OLR1: variants seen among roughly 807,000 people sequenced by gnomAD.
The protein encoded by OLR1 is oxidized low-density lipoprotein receptor 1.
In OLR1, 23 loss-of-function variants were observed where a neutral mutation model predicts 31.7. The ratio of observed to expected loss-of-function variants is 0.72; its 90% CI spans 0.52 to 1.03. The LOEUF (loss-of-function observed/expected upper bound fraction) is 1.03, where lower values mean the gene tolerates loss of function less well. OLR1 is among the 50% of genes least tolerant of loss of function. OLR1 has a pLI of 0.00. For missense variants in OLR1, 286 were observed against 315.7 expected (o/e 0.91, Z 0.71); for synonymous variants, 117 against 115.8 (o/e 1.01, Z -0.07).
intron 3 of OLR1, 130 bp from the exon 4 acceptor site, chr12:10,161,055 T>G (rs2137503151): frequency 1.0e-6 from 1 of 989,750 alleles, no homozygotes. Flanking sequence ...TTTGTTTTTG[T>G]ATTTTTAGTA....
intron 2 of OLR1, chr12:10,167,603 A>T (rs11053653): frequency 0.56 from 84,363 of 151,970 alleles, 24,420 homozygotes; most frequent in Non-Finnish European, 0.64. Context: ...TTAGTAGGAA[A>T]TGTCATTAGC....
chr12:10,160,809 T>G lies in OLR1; in HGVS notation c.541A>C (p.Lys181Gln), dbSNP rs766875651. ...KCLSLDAKLL[K>Q]INSTADLDFI... is the part of the protein sequence containing the mutation. The stretch of plus-strand genomic sequence containing the variant: ...ACCAGATCAGCTGTGCTATTAATTT[T>G]CAGCAACTTGGCATCCAAAGACAAG... Residue 181 changes from lysine (K) to glutamine (Q), a missense_variant, in exon 4 of 6, where the codon AAA (lysine) becomes CAA (glutamine). Transcript: ENST00000309539. 8 of 1,614,080 alleles carry G rather than the reference T, an allele frequency of 5.0e-6. No individual in the cohort carries two copies. The highest frequency in any genetic ancestry group is 6.8e-6 in the Non-Finnish European group (8 of 1,180,024).
chr12:10,171,346 G>A (rs1000114217), intron 1 of OLR1, among the ~76,000 whole-genome samples: 3 of 152,100 alleles, frequency 2.0e-5, no homozygotes, highest in Non-Finnish European at 4.4e-5. Context: ...ATTGTCTGTG[G>A]AATTGGGATT....
rs191104702 is a variant in OLR1, at chr12:10,171,888, T to C, written c.76+114A>G. Reference sequence around the variant, plus strand: ...TTTTCTTTTAAGTAAATGGTATTAATTCTATTTTCCCATACTTGGGTGTTT... The same window carrying C: ...TTTTCTTTTAAGTAAATGGTATTAACTCTATTTTCCCATACTTGGGTGTTT... On this transcript the variant is annotated intron_variant, in intron 1 of 5. Transcript: ENST00000309539. The C allele has an allele frequency of 1.6e-3, 1,093 of 699,344 alleles. 2 individuals are homozygous for C. Among genetic ancestry groups the C allele is most frequent in the Non-Finnish European group, 1.9e-3 (769 of 402,698 alleles). The allele number at this position is 699,344 out of a possible 1,614,324, so 43.3% of individuals were successfully genotyped here. A position where few individuals can be genotyped will look rare whatever the true frequency, so the allele number is the denominator to read the frequency against.
chr12:10,170,635 C>A (rs964989642), intron 1 of OLR1: 4 of 151,714 alleles, frequency 2.6e-5, no homozygotes, highest in Non-Finnish European at 5.9e-5. Context: ...GGGATTGCAG[C>A]CGCGCACCAC....
At chr12:10,161,017 G>A (rs1015241355) in intron 3 of OLR1, 92 bp from the exon 4 acceptor site, 11 of 1,245,524 alleles carry the variant, frequency 8.8e-6, no homozygotes, top group South Asian at 1.5e-5. Context: ...GTTCTCTCAC[G>A]TGCATACTAT....
intron 3 of OLR1, among the ~76,000 whole-genome samples, chr12:10,161,995 G>A (rs1260443922): frequency 6.6e-6 from 1 of 150,894 alleles, no homozygotes; most frequent in African/African-American, 2.4e-5. Flanking sequence ...AGGGAAAATA[G>A]TATATTAATA....
At position 10,160,112 on chromosome 12, in the gene OLR1, C is replaced by T. The variant is rs1044994579; in HGVS notation, c.681-91G>A. 8 of 1,368,528 alleles carry T rather than the reference C, an allele frequency of 5.8e-6. No homozygotes were observed. In the East Asian group the frequency reaches 1.8e-4, roughly 31 times the overall value. The allele number at this position is 1,368,528 out of a possible 1,614,324, so 84.8% of individuals were successfully genotyped here. A position where few individuals can be genotyped will look rare whatever the true frequency, so the allele number is the denominator to read the frequency against. On this transcript the variant is annotated intron_variant, in intron 5 of 5. Transcript: ENST00000309539. ...AAACTTAGCTTTTGAAACTTTTTGTCTTAAAGCCTCCAATCAGTAATAAAT... is the reference window on the plus strand; with the variant it reads ...AAACTTAGCTTTTGAAACTTTTTGTTTTAAAGCCTCCAATCAGTAATAAAT...
chr12:10,171,980 C>G (rs759750426), intron 1 of OLR1, 22 bp downstream of exon 1: 1 of 1,578,046 alleles, frequency 6.3e-7, no homozygotes, highest in Admixed American at 1.7e-5. Flanking sequence ...TTTCCCTGTA[C>G]ACATTTTCCC....
At chr12:10,175,280 A>C (rs1948757756), upstream of OLR1, 1 of 152,160 alleles carries the variant, frequency 6.6e-6, no homozygotes, top group South Asian at 2.1e-4. Context: ...CTCCCTGTCT[A>C]GATTTTTAAA....
At chr12:10,174,660 T>G (rs780746700), upstream of OLR1, among the ~76,000 whole-genome samples, 41 of 152,198 alleles carry the variant, frequency 2.7e-4, no homozygotes, top group Admixed American at 2.6e-4. Flanking sequence ...TACAAGCCAA[T>G]TCCTTATAAT....
At chr12:10,175,769 G>A (rs998857539), upstream of OLR1, among the ~76,000 whole-genome samples, 6 of 152,204 alleles carry the variant, frequency 3.9e-5, no homozygotes, top group African/African-American at 1.2e-4. Flanking sequence ...AATCAGGGCT[G>A]TGGCCCTACC....
chr12:10,175,831 T>C (rs1948761456), upstream of OLR1, among the ~76,000 whole-genome samples: 2 of 152,232 alleles, frequency 1.3e-5, no homozygotes, highest in African/African-American at 4.8e-5. Context: ...CTCTATTTTA[T>C]TGAGGCACAG....
chr12:10,170,422 T>A (rs543286978), intron 1 of OLR1: 1 of 152,038 alleles, frequency 6.6e-6, no homozygotes, highest in Admixed American at 6.6e-5. Context: ...AATACCTCTA[T>A]GTAAATCTTT....
At chr12:10,165,107 A>T (rs1274646192) in intron 3 of OLR1, among the ~76,000 whole-genome samples, 4 of 152,308 alleles carry the variant, frequency 2.6e-5, no homozygotes, top group African/African-American at 9.6e-5. Context: ...TACTAAAAAT[A>T]CAAAAATTAG....
upstream of OLR1, chr12:10,172,199 T>A (rs1948728585): frequency 3.0e-6 from 2 of 671,414 alleles, no homozygotes; most frequent in East Asian, 2.7e-5. Context: ...AATGACTCAA[T>A]CATTGGTAGG....
chr12:10,173,547 AGG>A (rs5796382), upstream of OLR1, among the ~76,000 whole-genome samples: 2 of 149,338 alleles, frequency 1.3e-5, no homozygotes, highest in Admixed American at 6.7e-5. Context: ...TGGGAAGCTG[AGG>A]GGGGGGGTGG....
intron 3 of OLR1, among the ~76,000 whole-genome samples, chr12:10,162,043 A>C (rs1006036064): frequency 2.0e-5 from 3 of 151,934 alleles, no homozygotes; most frequent in African/African-American, 7.2e-5. Flanking sequence ...ATTTTAGAAA[A>C]TAAGGAGATT....
At chr12:10,174,130 G>A (rs1948748947), upstream of OLR1, among the ~76,000 whole-genome samples, 1 of 152,048 alleles carries the variant, frequency 6.6e-6, no homozygotes, top group South Asian at 2.1e-4. Context: ...GCATGATCTC[G>A]GCTCACTGCA....
Sources: allele counts gnomAD v4.1 joint callset (sites outside exome capture counted in the v4.1 genomes callset), GRCh38; gene constraint gnomAD v4.1.1; transcripts MANE v1.5; gene names NCBI Gene and HGNC (gene_info 2026-07-23, HGNC 2026-07-21).